The following VSIG10L2 variants were observed in gnomAD, a reference collection of about 807,000 sequenced individuals.
VSIG10L2 encodes V-set and immunoglobulin domain-containing protein 10-like 2.
In VSIG10L2, 56 loss-of-function variants were observed where a neutral mutation model predicts 67.1. That is an observed-to-expected ratio of 0.83 (90% CI 0.67 to 1.04). VSIG10L2 has a LOEUF of 1.04. Among genes scored for constraint, VSIG10L2 ranks in the 50% least tolerant of loss-of-function variants. The pLI is 0.00. For missense variants in VSIG10L2, 843 were observed against 932.8 expected (o/e 0.90, Z 1.25); for synonymous variants, 360 against 396.6 (o/e 0.91, Z 1.10).
Position 125,954,431 on chromosome 11 carries a change from G to T in VSIG10L2, c.2083+48G>T, listed in dbSNP as rs939454191. 8 of 1,227,872 alleles carry T rather than the reference G, an allele frequency of 6.5e-6. No individual in the cohort carries two copies. The African/African-American group carries it at 1.2e-4, about 19-fold the overall frequency. 76.1% of individuals were successfully genotyped at this position (1,227,872 alleles called of 1,614,324 possible). Reference sequence around the variant, plus strand: ...GACCCACCTTTTCTCCAAAGCGCTGGCCCCTGGTTCATCTTCCTCTTCACA... The same window carrying T: ...GACCCACCTTTTCTCCAAAGCGCTGTCCCCTGGTTCATCTTCCTCTTCACA... On this transcript the variant is annotated intron_variant, in intron 8 of 11. Coordinates refer to ENST00000686984, the MANE Select transcript of VSIG10L2 (RefSeq NM_001365077.2).
intron 9 of VSIG10L2, 150 bp downstream of exon 9, chr11:125,955,329 G>A (rs12222197): frequency 8.1e-7 from 1 of 1,239,844 alleles, no homozygotes; most frequent in Non-Finnish European, 1.1e-6. Context: ...ATGTTGCCAT[G>A]CAGGGCTCTA....
Position 125,951,082 on chromosome 11 carries a change from C to A in VSIG10L2, c.1158C>A (p.Leu386=). 8.1e-7 allele frequency: 1 copy of A among 1,232,700 alleles called. No homozygotes were observed. The highest frequency in any genetic ancestry group is 1.0e-6 in the Non-Finnish European group (1 of 988,410). 76.4% of individuals were successfully genotyped at this position (1,232,700 alleles called of 1,614,324 possible). A position where few individuals can be genotyped will look rare whatever the true frequency, so the allele number is the denominator to read the frequency against. Residue 386 remains leucine (L), a synonymous_variant, in exon 5 of 12, where the codon CTC becomes CTA. Transcript: ENST00000686984. ...NVTWSHAAAQ[L]PSGSVFTCTG... Reference sequence around the variant, plus strand: ...CCTGGAGTCACGCAGCCGCCCAGCTCCCCAGTGGCAGCGTCTTCACCTGCA... The same window carrying A: ...CCTGGAGTCACGCAGCCGCCCAGCTACCCAGTGGCAGCGTCTTCACCTGCA...
chr11:125,946,409 G>T lies in VSIG10L2; in HGVS notation c.82+272G>T, dbSNP rs1945303652. Among the ~76,000 whole-genome samples, 1 of 152,194 alleles carries T rather than the reference G, an allele frequency of 6.6e-6. No homozygotes were observed. Among genetic ancestry groups the T allele is most frequent in the South Asian group, 2.1e-4 (1 of 4,832 alleles). Reference sequence around the variant, plus strand: ...TATGGTCAGATCCAGGTTTCAGAAAGCTCCCTGGTTTTGAGGGGGATTAGG... The same window carrying T: ...TATGGTCAGATCCAGGTTTCAGAAATCTCCCTGGTTTTGAGGGGGATTAGG... On this transcript the variant is annotated intron_variant, in intron 1 of 11. Coordinates refer to ENST00000686984, the MANE Select transcript of VSIG10L2 (RefSeq NM_001365077.2). This position sits in a 1 kb window ranked among gnomAD's most constrained non-coding sequence, Gnocchi z 4.4.
intron 4 of VSIG10L2, among the ~76,000 whole-genome samples, chr11:125,950,577 CA>C (rs1229463058): frequency 2.0e-5 from 3 of 152,172 alleles, no homozygotes; most frequent in Admixed American, 1.3e-4. Flanking sequence ...TGAACTGAGG[CA>C]CAGAGAAGGG....
chr11:125,953,313 C>T (rs1205218677), intron 6 of VSIG10L2, 87 bp from the exon 7 acceptor site: 3 of 1,121,808 alleles, frequency 2.7e-6, no homozygotes, highest in Non-Finnish European at 3.4e-6. Context: ...TCTCCCGCTC[C>T]ATCTCTTCTC....
At chr11:125,950,313 C>T in intron 4 of VSIG10L2, 24 bp downstream of exon 4, 2 of 1,232,318 alleles carry the variant, frequency 1.6e-6, no homozygotes, top group Non-Finnish European at 2.0e-6. Context: ...TCGGGTGACG[C>T]CCAGACCTGT....
Position 125,947,966 on chromosome 11 carries a change from A to G in VSIG10L2, c.363A>G (p.Leu121=), listed in dbSNP as rs985486074. 1 of 1,232,250 alleles carries G rather than the reference A, an allele frequency of 8.1e-7. No individual in the cohort carries two copies. The highest frequency in any genetic ancestry group is 3.2e-5 in the East Asian group (1 of 31,698). 76.3% of individuals were successfully genotyped at this position (1,232,250 alleles called of 1,614,324 possible). A position where few individuals can be genotyped will look rare whatever the true frequency, so the allele number is the denominator to read the frequency against. ...ELHEGARGHF[L]CQVLHVAGGQ... ...ACGAGGGTGCCCGTGGCCACTTCCT[A>G]TGCCAGGTTCTGCACGTGGCTGGCG... Residue 121 remains leucine (L), a synonymous_variant, in exon 2 of 12, where the codon CTA becomes CTG. Coordinates refer to ENST00000686984, the MANE Select transcript of VSIG10L2 (RefSeq NM_001365077.2).
rs115508293 is a variant in VSIG10L2 at position 125,953,802 on chromosome 11, G to A, written c.1786+112G>A. ...GGATTCCCTGCTCCAAAATTTGGAC[G>A]CTTGAGCTTCCTTGGGCATAGGCAG... On this transcript the variant is annotated intron_variant, in intron 7 of 11. Transcript: ENST00000686984. 5,567 of 1,070,422 alleles carry A rather than the reference G, an allele frequency of 5.2e-3. 233 individuals carry two copies. In the African/African-American group the frequency reaches 0.081, roughly 16 times the overall value. 66.3% of individuals were successfully genotyped at this position (1,070,422 alleles called of 1,614,324 possible).
rs959094934 is a variant in VSIG10L2, at chr11:125,947,705, C to T, written c.102C>T (p.Pro34=). ...CCCCAGGCCAGCCCCACCCGACCCC[C>T]GAGGCCCCTGTAGAGGAGGTGGTGT... ...LRASGQPHPT[P]EAPVEEVVSV... is the part of the protein sequence containing the mutation. The change falls in exon 2 of 12, where the codon CCC becomes CCT. Residue 34 remains proline, a synonymous_variant. Transcript: ENST00000686984. 1.1e-5 allele frequency: 14 copies of T among 1,232,294 alleles called. No homozygotes were observed. The East Asian group carries it at 1.3e-4, about 11-fold the overall frequency. 76.3% of individuals were successfully genotyped at this position (1,232,294 alleles called of 1,614,324 possible).
intron 8 of VSIG10L2, 129 bp from the exon 9 acceptor site, chr11:125,954,928 T>A: frequency 1.0e-6 from 1 of 984,338 alleles, no homozygotes. Context: ...TGGGTCCCCA[T>A]GTCAGCTGCA....
rs1945404379 is a variant in VSIG10L2 at position 125,953,395 on chromosome 11, C to T, written c.1496-5C>T. On this transcript the variant is annotated splice_polypyrimidine_tract_variant and splice_region_variant and intron_variant, in intron 6 of 11. Coordinates refer to ENST00000686984, the MANE Select transcript of VSIG10L2 (RefSeq NM_001365077.2). ...TAGCCGGCCTCATCCTCTCTGTCCCCGCAGAAGCCCCACAGCTGGACGTGG... is the reference window on the plus strand; with the variant it reads ...TAGCCGGCCTCATCCTCTCTGTCCCTGCAGAAGCCCCACAGCTGGACGTGG... The T allele has an allele frequency of 2.4e-6, 3 of 1,232,474 alleles. No homozygotes were observed. The highest frequency in any genetic ancestry group is 3.2e-5 in the East Asian group (1 of 31,708). The allele number at this position is 1,232,474 out of a possible 1,614,324, so 76.3% of individuals were successfully genotyped here. A position where few individuals can be genotyped will look rare whatever the true frequency, so the allele number is the denominator to read the frequency against.
intron 3 of VSIG10L2, 108 bp from the exon 4 acceptor site, chr11:125,949,906 A>G: frequency 8.9e-7 from 1 of 1,122,444 alleles, no homozygotes; most frequent in Non-Finnish European, 1.1e-6. Flanking sequence ...GACACGGGCC[A>G]GTGCATACTA....
chr11:125,947,990 C>T lies in VSIG10L2; in HGVS notation c.387C>T (p.Gly129=), dbSNP rs9888223. The change falls in exon 2 of 12, where the codon GGC becomes GGT. Residue 129 remains glycine, a synonymous_variant. Coordinates refer to ENST00000686984, the MANE Select transcript of VSIG10L2 (RefSeq NM_001365077.2). ...HFLCQVLHVA[G]GQLHAAYSHL... ...TATGCCAGGTTCTGCACGTGGCTGGCGGCCAGCTCCACGCTGCCTACTCCC... is the reference window on the plus strand; with the variant it reads ...TATGCCAGGTTCTGCACGTGGCTGGTGGCCAGCTCCACGCTGCCTACTCCC... The T allele has an allele frequency of 0.29, 362,835 of 1,232,100 alleles. 54,181 individuals carry two copies. Among genetic ancestry groups the T allele is most frequent in the East Asian group, 0.34 (10,840 of 31,696 alleles). The allele number at this position is 1,232,100 out of a possible 1,614,324, so 76.3% of individuals were successfully genotyped here.
rs1393658127 is a variant in VSIG10L2, at chr11:125,955,812, C to T, written c.2285-5C>T. On this transcript the variant is annotated splice_polypyrimidine_tract_variant and splice_region_variant and intron_variant, in intron 11 of 11. Transcript: ENST00000686984. Reference sequence around the variant, plus strand: ...CTGTTCTTTGCCCACATATGCTCTTCATAGGCCTTGAAACACCAACCACCA... The same window carrying T: ...CTGTTCTTTGCCCACATATGCTCTTTATAGGCCTTGAAACACCAACCACCA... The T allele has an allele frequency of 6.3e-6, 5 of 787,730 alleles. No individual in the cohort carries two copies. The Admixed American group carries it at 1.0e-4, about 16-fold the overall frequency. 48.8% of individuals were successfully genotyped at this position (787,730 alleles called of 1,614,324 possible). A position where few individuals can be genotyped will look rare whatever the true frequency, so the allele number is the denominator to read the frequency against.
intron 4 of VSIG10L2, 123 bp from the exon 5 acceptor site, chr11:125,950,787 C>A: frequency 1.1e-6 from 1 of 941,252 alleles, no homozygotes; most frequent in Non-Finnish European, 1.4e-6. Flanking sequence ...TTTCCCCTAA[C>A]CCACTTCTCC....
At position 125,948,342 on chromosome 11, in the gene VSIG10L2, GT is replaced by G; in HGVS notation, c.472del (p.Ser158ProfsTer21). 1 of 1,232,248 alleles carries G rather than the reference GT, an allele frequency of 8.1e-7. No individual in the cohort carries two copies. The highest frequency in any genetic ancestry group is 1.0e-6 in the Non-Finnish European group (1 of 988,208). 76.3% of individuals were successfully genotyped at this position (1,232,248 alleles called of 1,614,324 possible). A position where few individuals can be genotyped will look rare whatever the true frequency, so the allele number is the denominator to read the frequency against. ...AGCCTCAAGTGCGACTGAGTAACCC[GT>G]CCCCTGTGGAGGGAGCCTCCGTGGT... Reference protein sequence around the residue: ...SKPQVRLSNPSPVEGASVVAT... With the variant: ...SKPQVRLSNPXPVEGASVVAT... On this transcript the variant is annotated frameshift_variant, in exon 3 of 12. Coordinates refer to ENST00000686984, the MANE Select transcript of VSIG10L2 (RefSeq NM_001365077.2). LOFTEE classifies it high-confidence loss of function.
intron 8 of VSIG10L2, 92 bp downstream of exon 8, chr11:125,954,475 TC>T (rs1945423216): frequency 9.1e-7 from 1 of 1,093,276 alleles, no homozygotes; most frequent in South Asian, 4.8e-5. Context: ...CCTCCTCTCT[TC>T]CTTTGCTCGC....
chr11:125,954,133 G>C lies in VSIG10L2; in HGVS notation c.1833G>C (p.Gly611=), dbSNP rs1945418108. ...PNVTISRLTY[G]RHRREVQLQW... is the part of the protein sequence containing the mutation. Reference sequence around the variant, plus strand: ...TCACCATCAGCCGCCTGACCTACGGGAGGCACCGGAGAGAGGTGCAGCTTC... The same window carrying C: ...TCACCATCAGCCGCCTGACCTACGGCAGGCACCGGAGAGAGGTGCAGCTTC... Residue 611 remains glycine (G), a synonymous_variant, in exon 8 of 12, where the codon GGG becomes GGC. Transcript: ENST00000686984. 2 of 1,232,146 alleles carry C rather than the reference G, an allele frequency of 1.6e-6. No individual in the cohort carries two copies. Among genetic ancestry groups the C allele is most frequent in the Non-Finnish European group, 2.0e-6 (2 of 988,084 alleles). The allele number at this position is 1,232,146 out of a possible 1,614,324, so 76.3% of individuals were successfully genotyped here.
chr11:125,953,766 G>T, intron 7 of VSIG10L2, 76 bp downstream of exon 7: 5 of 1,214,456 alleles, frequency 4.1e-6, no homozygotes, highest in Non-Finnish European at 5.1e-6. Flanking sequence ...GCTTTAAGTG[G>T]AAAGGCACAA....
Sources: gnomAD v4.1 joint callset for allele counts (sites outside exome capture counted in the v4.1 genomes callset) on GRCh38, gnomAD v4.1.1 for gene constraint, Gnocchi (gnomAD v3.1) non-coding constraint, MANE v1.5 for transcripts, NCBI Gene and HGNC (gene_info 2026-07-23, HGNC 2026-07-21) for gene names.